PAK1: variants seen among roughly 807,000 people sequenced by gnomAD.
PAK1 encodes the protein p21 (RAC1) activated kinase 1.
A neutral mutation model predicts 67.4 loss-of-function variants in PAK1; 29 were observed. The ratio of observed to expected loss-of-function variants is 0.43; its 90% CI spans 0.32 to 0.59. The LOEUF (loss-of-function observed/expected upper bound fraction) is 0.59. Ranked by LOEUF, PAK1 falls within the 20% of genes least tolerant of loss-of-function variation. The pLI is 0.07. For missense variants in PAK1, 337 were observed against 670.7 expected (o/e 0.50, Z 5.50); for synonymous variants, 223 against 237.4 (o/e 0.94, Z 0.56).
At chr11:77,490,432 C>T in the PAK1 span, among the ~76,000 whole-genome samples, 1 of 148,686 alleles carries the variant, frequency 6.7e-6, no homozygotes, top group Non-Finnish European at 1.5e-5. Context: ...TCTGCCCGGC[C>T]AGCCGCCCCG....
chr11:77,344,374 G>T (rs1204487845), intron 9 of PAK1, among the ~76,000 whole-genome samples: 1 of 152,190 alleles, frequency 6.6e-6, no homozygotes. Context: ...TAGGTATAGA[G>T]GCTTCATAAA....
chr11:77,496,469 C>CA, the PAK1 span, among the ~76,000 whole-genome samples: 143 of 151,642 alleles, frequency 9.4e-4, no homozygotes, highest in African/African-American at 3.4e-3. Context: ...ACAAAAAATA[C>CA]AAAAAAATTT....
Position 77,415,269 on chromosome 11 carries a change from T to C in PAK1, c.-21-22728A>G, listed in dbSNP as rs562973221. Among the ~76,000 whole-genome samples, 7 of 152,358 alleles carry C rather than the reference T, an allele frequency of 4.6e-5. No individual in the cohort carries two copies. The South Asian group carries it at 8.3e-4, about 18-fold the overall frequency. On this transcript the variant is annotated intron_variant, in intron 1 of 14. Transcript: ENST00000356341. ...GCAGCAACGGGAACTCTCTCGTTCA[T>C]TGCTGGTGAGAATGCAAAATGATAC... is the stretch of plus-strand genomic sequence containing the variant.
chr11:77,322,580 A>G lies in PAK1; in HGVS notation c.*694T>C, dbSNP rs1938676131. 1 of 203,182 alleles carries G rather than the reference A, an allele frequency of 4.9e-6. No individual in the cohort carries two copies. The highest frequency in any genetic ancestry group is 2.3e-5 in the African/African-American group (1 of 43,066). 12.6% of individuals were successfully genotyped at this position (203,182 alleles called of 1,614,324 possible). A position where few individuals can be genotyped will look rare whatever the true frequency, so the allele number is the denominator to read the frequency against. On this transcript the variant is annotated 3_prime_UTR_variant, in exon 15 of 15. Coordinates refer to ENST00000356341, the MANE Select transcript of PAK1 (RefSeq NM_002576.5). Reference sequence around the variant, plus strand: ...AAACAAGGGACAGGATAGGGGCAGCAGCCTAGGGTATGCAGGGAATCAAAA... The same window carrying G: ...AAACAAGGGACAGGATAGGGGCAGCGGCCTAGGGTATGCAGGGAATCAAAA...
At chr11:77,457,325 A>T (rs114099099) in intron 1 of PAK1, among the ~76,000 whole-genome samples, 2,070 of 152,290 alleles carry the variant, frequency 0.014, 18 homozygotes, top group Non-Finnish European at 0.017. Context: ...GAGCTGTTAG[A>T]CTTCCAAAAC....
chr11:77,462,238 G>T (rs1021966655), intron 1 of PAK1, among the ~76,000 whole-genome samples: 1 of 152,036 alleles, frequency 6.6e-6, no homozygotes, highest in Non-Finnish European at 1.5e-5. Context: ...GGCTGAGGCA[G>T]GAGAATGGCG....
intron 14 of PAK1, among the ~76,000 whole-genome samples, chr11:77,327,367 T>A (rs1416566360): frequency 6.6e-6 from 1 of 152,168 alleles, no homozygotes; most frequent in Non-Finnish European, 1.5e-5. Flanking sequence ...GGAAAAAATG[T>A]TAAGGGCAGC....
chr11:77,520,008 C>CCG, the PAK1 span, among the ~76,000 whole-genome samples: 1 of 152,074 alleles, frequency 6.6e-6, no homozygotes, highest in African/African-American at 2.4e-5. Flanking sequence ...TGTGGCCCCC[C>CCG]CCTCCGCCCG....
At chr11:77,349,101 G>A (rs1024120343) in intron 9 of PAK1, 138 bp downstream of exon 9, 6 of 617,276 alleles carry the variant, frequency 9.7e-6, no homozygotes, top group African/African-American at 2.0e-5. Flanking sequence ...CTCCAGCCTG[G>A]ATGACAGAGT....
intron 1 of PAK1, among the ~76,000 whole-genome samples, chr11:77,424,461 A>G (rs1345469977): frequency 4.6e-5 from 7 of 152,218 alleles, no homozygotes; most frequent in African/African-American, 1.4e-4. Flanking sequence ...AATACTGTAC[A>G]GTAAAAACAA....
At chr11:77,397,022 C>T (rs1951918635) in intron 1 of PAK1, 1 of 152,248 alleles carries the variant, frequency 6.6e-6, no homozygotes, top group African/African-American at 2.4e-5. Context: ...AGTGAGTATA[C>T]ACACCTTAAT....
At chr11:77,422,249 T>C (rs541752428) in intron 1 of PAK1, among the ~76,000 whole-genome samples, 24 of 152,240 alleles carry the variant, frequency 1.6e-4, no homozygotes, top group African/African-American at 5.8e-4. Flanking sequence ...CAAATACATT[T>C]CTTAAAACCA....
At chr11:77,426,138 A>C (rs1270195015) in intron 1 of PAK1, among the ~76,000 whole-genome samples, 3 of 151,144 alleles carry the variant, frequency 2.0e-5, no homozygotes. Context: ...TGTTAAGAAC[A>C]AAAGGAGTCT....
intron 1 of PAK1, among the ~76,000 whole-genome samples, chr11:77,419,264 T>C (rs1195400174): frequency 6.6e-6 from 1 of 152,248 alleles, no homozygotes; most frequent in Non-Finnish European, 1.5e-5. Flanking sequence ...AATTAAATCC[T>C]GGAGATCTCA....
chr11:77,399,345 A>G (rs934507713), intron 1 of PAK1, among the ~76,000 whole-genome samples: 5 of 152,176 alleles, frequency 3.3e-5, no homozygotes, highest in African/African-American at 1.2e-4. Flanking sequence ...GAAATGTTAA[A>G]TTGAATTTGA....
intron 1 of PAK1, among the ~76,000 whole-genome samples, chr11:77,460,326 T>G (rs1031512368): frequency 2.1e-5 from 3 of 144,542 alleles, no homozygotes; most frequent in African/African-American, 5.0e-5. Flanking sequence ...TTGTTTGCTT[T>G]TTTTTTTTTT....
At chr11:77,524,546 C>A in the PAK1 span, among the ~76,000 whole-genome samples, 1 of 152,232 alleles carries the variant, frequency 6.6e-6, no homozygotes, top group South Asian at 2.1e-4. Flanking sequence ...GCAAGCTGAG[C>A]AAGCCTGCCC....
chr11:77,525,468 TG>T, the PAK1 span, among the ~76,000 whole-genome samples: 4 of 152,230 alleles, frequency 2.6e-5, no homozygotes, highest in Non-Finnish European at 5.9e-5. Flanking sequence ...GCCCATATTA[TG>T]GACCGAAAGA....
intron 1 of PAK1, among the ~76,000 whole-genome samples, chr11:77,449,823 C>T (rs1302091871): frequency 1.3e-5 from 2 of 151,812 alleles, no homozygotes; most frequent in African/African-American, 2.4e-5. Context: ...CAATGTATTA[C>T]ATATTCAATT....
Sources: allele counts gnomAD v4.1 joint callset (sites outside exome capture counted in the v4.1 genomes callset), GRCh38; gene constraint gnomAD v4.1.1; transcripts MANE v1.5; gene names NCBI Gene and HGNC (gene_info 2026-07-23, HGNC 2026-07-21).